Variants in NELL1 observed in about 807,000 individuals in gnomAD.
The protein encoded by NELL1 is neural EGFL like 1.
NELL1 carries 76 observed loss-of-function variants against 107.4 expected under a neutral mutation model. The observed-to-expected ratio is 0.71, with a 90% CI of 0.59 to 0.86. The LOEUF (loss-of-function observed/expected upper bound fraction) is 0.86. Among genes scored for constraint, NELL1 ranks in the 40% least tolerant of loss-of-function variants. NELL1 has a pLI of 0.00. For synonymous variants in NELL1, 353 were observed against 341.2 expected, an observed-to-expected ratio of 1.03 and a Z score of -0.38; for missense variants, 1,024 against 1,005.5, an observed-to-expected ratio of 1.02 and a Z score of -0.25.
intron 14 of NELL1, among the ~76,000 whole-genome samples, chr11:21,243,826 G>A (rs576114880): frequency 6.6e-6 from 1 of 151,852 alleles, no homozygotes; most frequent in South Asian, 2.1e-4. Context: ...AACTTTCAGT[G>A]TAGGTTTAAA....
rs369623663 is a variant in NELL1 at position 21,096,514 on chromosome 11, G to C, written c.1301-17075G>C. 2.4e-4 allele frequency among the ~76,000 whole-genome samples: 36 copies of C among 152,194 alleles called. No homozygotes were observed. In the East Asian group the frequency reaches 4.3e-3, roughly 18 times the overall value. On this transcript the variant is annotated intron_variant, in intron 12 of 19. Transcript: ENST00000357134. ...TTCTCTTCTGAAGCCCCAGCCATCT[G>C]CTTATAACACCTGTTATCCCTTCTA... is the stretch of plus-strand genomic sequence containing the variant.
intron 14 of NELL1, among the ~76,000 whole-genome samples, chr11:21,263,829 A>AT (rs1157141439): frequency 8.6e-5 from 13 of 151,874 alleles, no homozygotes; most frequent in Non-Finnish European, 1.9e-4. Context: ...TCACTCCTTC[A>AT]TCTGCTTCTA....
chr11:20,746,187 T>A (rs1855998687), intron 2 of NELL1, among the ~76,000 whole-genome samples: 1 of 152,182 alleles, frequency 6.6e-6, no homozygotes, highest in Non-Finnish European at 1.5e-5. Flanking sequence ...CTTTTGACAG[T>A]GTCTGTTGGC....
intron 14 of NELL1, among the ~76,000 whole-genome samples, chr11:21,296,084 G>T (rs909712250): frequency 6.6e-6 from 1 of 151,912 alleles, no homozygotes; most frequent in Non-Finnish European, 1.5e-5. Flanking sequence ...AGAAAATATT[G>T]TATATGTCTA....
intron 3 of NELL1, among the ~76,000 whole-genome samples, chr11:20,831,994 G>A (rs1253595913): frequency 6.6e-6 from 1 of 152,172 alleles, no homozygotes; most frequent in African/African-American, 2.4e-5. Context: ...TCAGCGTAGG[G>A]GGTGGGAATG....
chr11:20,693,100 G>T (rs573895405), intron 2 of NELL1, among the ~76,000 whole-genome samples: 3 of 151,782 alleles, frequency 2.0e-5, no homozygotes, highest in Admixed American at 1.3e-4. Flanking sequence ...CAGAGACTAG[G>T]ATTGCAACCC....
chr11:20,841,317 A>G (rs992726712), intron 3 of NELL1, among the ~76,000 whole-genome samples: 3 of 139,690 alleles, frequency 2.1e-5, no homozygotes, highest in South Asian at 2.2e-4. Flanking sequence ...ACCTCTGCTC[A>G]TGTTTTTTTT....
intron 15 of NELL1, among the ~76,000 whole-genome samples, chr11:21,380,678 A>G (rs1360923082): frequency 6.6e-6 from 1 of 152,044 alleles, no homozygotes; most frequent in African/African-American, 2.4e-5. Context: ...TTGATCCTGC[A>G]AGGATTTTCA....
intron 2 of NELL1, among the ~76,000 whole-genome samples, chr11:20,780,482 G>A (rs1420611865): frequency 6.6e-6 from 1 of 152,142 alleles, no homozygotes; most frequent in Non-Finnish European, 1.5e-5. Context: ...CCTGTTTTGT[G>A]CCAGGCACTA....
At chr11:20,986,595 A>G (rs1727966942) in intron 12 of NELL1, among the ~76,000 whole-genome samples, 1 of 152,170 alleles carries the variant, frequency 6.6e-6, no homozygotes, top group African/African-American at 2.4e-5. Context: ...CTGATTCATT[A>G]GGTCTCAGGT....
Position 20,943,912 on chromosome 11 carries a change from T to A in NELL1, c.1072-3424T>A, listed in dbSNP as rs540479600. ...ATTGGTCAGGCTATGGCCCATTGAT[T>A]CCCTTGATAAAGGTAGCATTTATAA... is the stretch of plus-strand genomic sequence containing the variant. On this transcript the variant is annotated intron_variant, in intron 10 of 19. Coordinates refer to ENST00000357134, the MANE Select transcript of NELL1 (RefSeq NM_006157.5). 2.6e-5 allele frequency among the ~76,000 whole-genome samples: 4 copies of A among 152,324 alleles called. No individual in the cohort carries two copies. The South Asian group carries it at 8.3e-4, about 32-fold the overall frequency.
chr11:21,142,345 A>G (rs1424287657), intron 13 of NELL1, among the ~76,000 whole-genome samples: 1 of 152,212 alleles, frequency 6.6e-6, no homozygotes, highest in Non-Finnish European at 1.5e-5. Context: ...GCCTGCAGGC[A>G]TGCCTTCCTG....
intron 15 of NELL1, among the ~76,000 whole-genome samples, chr11:21,502,047 G>A (rs1855157442): frequency 6.6e-6 from 1 of 152,156 alleles, no homozygotes. Context: ...ATTTGCTGAA[G>A]GCTTAGAAGG....
chr11:20,946,110 A>G (rs563991724), intron 10 of NELL1, among the ~76,000 whole-genome samples: 11 of 152,318 alleles, frequency 7.2e-5, no homozygotes, highest in African/African-American at 2.4e-4. Context: ...CAATTTAAGA[A>G]TGGGTATTCC....
At chr11:21,122,271 C>G (rs1297803029) in intron 13 of NELL1, among the ~76,000 whole-genome samples, 2 of 152,136 alleles carry the variant, frequency 1.3e-5, no homozygotes, top group African/African-American at 4.8e-5. Context: ...TTTGTGCATT[C>G]AGAATCACAA....
intron 15 of NELL1, among the ~76,000 whole-genome samples, chr11:21,421,406 G>A (rs904486518): frequency 1.3e-5 from 2 of 152,128 alleles, no homozygotes; most frequent in African/African-American, 2.4e-5. Flanking sequence ...CCTCAACTCT[G>A]TGGCACATGC....
chr11:21,298,585 C>A (rs1327214721), intron 14 of NELL1, among the ~76,000 whole-genome samples: 1 of 151,928 alleles, frequency 6.6e-6, no homozygotes, highest in Non-Finnish European at 1.5e-5. Flanking sequence ...CCTTAGTCAG[C>A]CTTCCTAGAG....
intron 13 of NELL1, among the ~76,000 whole-genome samples, chr11:21,202,968 G>T (rs903191452): frequency 1.3e-5 from 2 of 152,198 alleles, no homozygotes; most frequent in African/African-American, 4.8e-5. Flanking sequence ...GTTCTAGTTT[G>T]ATTGCACAGT....
intron 12 of NELL1, among the ~76,000 whole-genome samples, chr11:21,079,450 G>A (rs1036431346): frequency 6.6e-6 from 1 of 151,938 alleles, no homozygotes; most frequent in Non-Finnish European, 1.5e-5. Flanking sequence ...TTTTTCAAGT[G>A]TTCATGGAAT....
Sources: gnomAD v4.1 joint callset for allele counts (sites outside exome capture counted in the v4.1 genomes callset) on GRCh38, gnomAD v4.1.1 for gene constraint, MANE v1.5 for transcripts, NCBI Gene and HGNC (gene_info 2026-07-23, HGNC 2026-07-21) for gene names.